XKR9: variants seen among roughly 807,000 people sequenced by gnomAD.
XKR9 encodes the protein XK-related protein 9.
Under a neutral mutation model 32.0 loss-of-function variants are expected in XKR9, and 32 were observed. The observed-to-expected ratio is 1.00, with a 90% confidence interval of 0.76 to 1.34. The LOEUF is 1.34. Ranked by LOEUF, XKR9 falls within the 40% of genes most tolerant of loss-of-function variation. XKR9 has a pLI of 0.00. For synonymous variants in XKR9, 168 were observed against 143.4 expected, an observed-to-expected ratio of 1.17 and a Z score of -1.22; for missense variants, 546 against 429.7, an observed-to-expected ratio of 1.27 and a Z score of -2.39.
intron 2 of XKR9, among the ~76,000 whole-genome samples, chr8:70,747,692 G>T (rs778564489): frequency 6.6e-6 from 1 of 152,188 alleles, no homozygotes; most frequent in African/African-American, 2.4e-5. Context: ...GATTAAGATA[G>T]ATAGGTAGAG....
At chr8:70,792,871 A>C (rs999252917), downstream of XKR9, among the ~76,000 whole-genome samples, 1 of 152,140 alleles carries the variant, frequency 6.6e-6, no homozygotes, top group Non-Finnish European at 1.5e-5. Flanking sequence ...CTATCTATGT[A>C]CCAGAAAAGA....
chr8:70,950,593 T>C, the XKR9 span, among the ~76,000 whole-genome samples: 2 of 152,156 alleles, frequency 1.3e-5, no homozygotes, highest in African/African-American at 4.8e-5. Flanking sequence ...TTCGTCTTTG[T>C]CTTCAGAGCA....
the XKR9 span, among the ~76,000 whole-genome samples, chr8:70,915,452 A>G: frequency 1.3e-5 from 2 of 152,166 alleles, no homozygotes; most frequent in Admixed American, 6.5e-5. Flanking sequence ...AGGAATTAAC[A>G]GGGCAGCTTG....
chr8:70,754,740 T>A (rs1474673031), intron 2 of XKR9, among the ~76,000 whole-genome samples: 3 of 151,186 alleles, frequency 2.0e-5, no homozygotes, highest in Admixed American at 6.6e-5. Flanking sequence ...ATCCCTTCCT[T>A]ACACCTTATA....
At chr8:70,801,870 A>G in the XKR9 span, among the ~76,000 whole-genome samples, 2 of 152,002 alleles carry the variant, frequency 1.3e-5, no homozygotes, top group African/African-American at 4.8e-5. Flanking sequence ...TATATGTACA[A>G]TAGTCAGATC....
At chr8:70,769,767 T>C (rs1346458574) in intron 2 of XKR9, among the ~76,000 whole-genome samples, 1 of 152,000 alleles carries the variant, frequency 6.6e-6, no homozygotes, top group Non-Finnish European at 1.5e-5. Context: ...AAAGTTCTCA[T>C]GCTGTGTTTT....
chr8:70,704,931 C>A (rs752701265), intron 3 of XKR9, among the ~76,000 whole-genome samples: 8 of 152,040 alleles, frequency 5.3e-5, no homozygotes, highest in Non-Finnish European at 1.2e-4. Context: ...CCTTATACTG[C>A]AGCTAGTAGT....
the XKR9 span, among the ~76,000 whole-genome samples, chr8:70,921,405 G>T: frequency 6.6e-6 from 1 of 152,116 alleles, no homozygotes; most frequent in Admixed American, 6.5e-5. Flanking sequence ...TTGCTCTTTG[G>T]GTAGCAAACT....
chr8:70,809,550 A>G, the XKR9 span, among the ~76,000 whole-genome samples: 139 of 152,340 alleles, frequency 9.1e-4, 1 homozygote, highest in Middle Eastern at 0.01. Flanking sequence ...CCTTGAAAAA[A>G]GATTAGACAA....
chr8:70,960,202 G>A, the XKR9 span, among the ~76,000 whole-genome samples: 49 of 151,866 alleles, frequency 3.2e-4, 1 homozygote, highest in African/African-American at 1.1e-3. Flanking sequence ...CCGAGATCAC[G>A]CCATTGCACT....
At chr8:71,061,762 T>C in the XKR9 span, among the ~76,000 whole-genome samples, 17 of 152,166 alleles carry the variant, frequency 1.1e-4, no homozygotes, top group South Asian at 2.1e-4. Context: ...GAGCCATTGG[T>C]CTGAGGGAAG....
the XKR9 span, among the ~76,000 whole-genome samples, chr8:70,886,281 A>G: frequency 6.6e-6 from 1 of 152,188 alleles, no homozygotes. Flanking sequence ...TTCTTAATCC[A>G]GTCTGTCATT....
chr8:70,840,296 G>A, the XKR9 span, among the ~76,000 whole-genome samples: 23 of 151,936 alleles, frequency 1.5e-4, 1 homozygote, highest in Middle Eastern at 3.2e-3. Flanking sequence ...GGTAATTTGA[G>A]GCCTATATCT....
At chr8:70,816,966 A>T in the XKR9 span, among the ~76,000 whole-genome samples, 203 of 152,176 alleles carry the variant, frequency 1.3e-3, no homozygotes, top group Non-Finnish European at 2.6e-3. Flanking sequence ...TTGAAGGAAC[A>T]TATCTCACAA....
intron 3 of XKR9, among the ~76,000 whole-genome samples, chr8:70,698,357 T>A (rs1563430633): frequency 6.6e-6 from 1 of 152,206 alleles, no homozygotes; most frequent in Non-Finnish European, 1.5e-5. Flanking sequence ...CTGCTTTGAA[T>A]GTGTCCCAGA....
At position 70,681,017 on chromosome 8, in the gene XKR9, A is replaced by G. The variant is rs1266896279; in HGVS notation, c.-42A>G. On this transcript the variant is annotated 5_prime_UTR_variant, in exon 3 of 5. Transcript: ENST00000408926. The stretch of plus-strand genomic sequence containing the variant: ...GTTTGGCTTTTTTTCCCTTTTTGTG[A>G]GGGAGAAAAAAGTAGATAACGAAAA... The G allele has an allele frequency of 6.4e-7, 1 of 1,553,926 alleles. No homozygotes were observed. The highest frequency in any genetic ancestry group is 1.4e-5 in the African/African-American group (1 of 72,590).
chr8:70,819,828 A>C, the XKR9 span, among the ~76,000 whole-genome samples: 5 of 152,170 alleles, frequency 3.3e-5, no homozygotes, highest in Non-Finnish European at 5.9e-5. Flanking sequence ...CAGACAGAAC[A>C]GGTGTGAGGC....
intron 3 of XKR9, among the ~76,000 whole-genome samples, chr8:70,685,732 TGTG>T (rs1208944710): frequency 3.2e-4 from 26 of 80,436 alleles, no homozygotes; most frequent in Non-Finnish European, 5.7e-4. Context: ...TGGGGACTGT[TGTG>T]GGGTGGGGGG....
the XKR9 span, among the ~76,000 whole-genome samples, chr8:70,883,262 A>C: frequency 1.3e-5 from 2 of 152,128 alleles, no homozygotes; most frequent in African/African-American, 4.8e-5. Flanking sequence ...TACTTCACTT[A>C]GAATAATGGC....
Sources: gnomAD v4.1 joint callset for allele counts (sites outside exome capture counted in the v4.1 genomes callset) on GRCh38, gnomAD v4.1.1 for gene constraint, MANE v1.5 for transcripts, NCBI Gene and HGNC (gene_info 2026-07-23, HGNC 2026-07-21) for gene names.